CDK14: variants seen among roughly 807,000 people sequenced by gnomAD.
CDK14 encodes the protein cyclin dependent kinase 14, also known as cyclin-dependent kinase 14.
CDK14 carries 34 observed loss-of-function variants against 60.7 expected under a neutral mutation model. The observed-to-expected ratio is 0.56, with a 90% CI of 0.43 to 0.75. The LOEUF is 0.75. Ranked by LOEUF, CDK14 falls within the 30% of genes least tolerant of loss-of-function variation. CDK14 has a pLI of 0.00. For synonymous variants in CDK14, 197 were observed against 203.7 expected, an observed-to-expected ratio of 0.97 and a Z score of 0.28; for missense variants, 482 against 564.1, an observed-to-expected ratio of 0.85 and a Z score of 1.47.
intron 7 of CDK14, among the ~76,000 whole-genome samples, chr7:90,903,476 AG>A (rs1434074479): frequency 6.6e-6 from 1 of 152,142 alleles, no homozygotes; most frequent in South Asian, 2.1e-4. Context: ...AAAGACAAAT[AG>A]GGTGTATTTA....
At chr7:90,885,708 A>G (rs1791920434) in intron 6 of CDK14, among the ~76,000 whole-genome samples, 1 of 152,256 alleles carries the variant, frequency 6.6e-6, no homozygotes, top group Non-Finnish European at 1.5e-5. Flanking sequence ...AATGTGGCAC[A>G]TATACACCAT....
At chr7:90,844,242 G>A (rs2117156563) in intron 5 of CDK14, among the ~76,000 whole-genome samples, 1 of 152,328 alleles carries the variant, frequency 6.6e-6, no homozygotes, top group South Asian at 2.1e-4. Context: ...GGAATTAGGA[G>A]AGGTAAATTC....
rs577467541 is a variant in CDK14 at position 90,987,628 on chromosome 7, T to A, written c.1041+3387T>A. Among the ~76,000 whole-genome samples, 19 of 152,242 alleles carry A rather than the reference T, an allele frequency of 1.2e-4. No individual in the cohort carries two copies. The South Asian group carries it at 3.9e-3, about 32-fold the overall frequency. ...ACTGAATTGTTTAAATTTGCAAATA[T>A]TAGCTATATTATCACACAAGTAGAC... is the stretch of plus-strand genomic sequence containing the variant. On this transcript the variant is annotated intron_variant, in intron 10 of 14. Transcript: ENST00000380050.
At chr7:91,120,079 C>A (rs1219631577) in intron 14 of CDK14, among the ~76,000 whole-genome samples, 1 of 152,196 alleles carries the variant, frequency 6.6e-6, no homozygotes, top group East Asian at 1.9e-4. Context: ...AATCCCTTCA[C>A]CAATTCAGTG....
In CDK14 at chr7:91,005,523, T is replaced by C. The variant is rs112701940; in HGVS notation, c.1041+21282T>C. Reference sequence around the variant, plus strand: ...ATTTCAAAGGCTTTATTTTTTTAAATCACACATGAATACATATCATTTTAT... The same window carrying C: ...ATTTCAAAGGCTTTATTTTTTTAAACCACACATGAATACATATCATTTTAT... On this transcript the variant is annotated intron_variant, in intron 10 of 14. Coordinates refer to ENST00000380050, the MANE Select transcript of CDK14 (RefSeq NM_001287135.2). Among the ~76,000 whole-genome samples the C allele has an allele frequency of 2.6e-3, 389 of 152,324 alleles. 2 individuals are homozygous for C. Among genetic ancestry groups the C allele is most frequent in the African/African-American group, 8.8e-3 (367 of 41,578 alleles).
chr7:91,198,973 T>G (rs1802634175), intron 14 of CDK14, among the ~76,000 whole-genome samples: 1 of 152,252 alleles, frequency 6.6e-6, no homozygotes, highest in Non-Finnish European at 1.5e-5. Flanking sequence ...GATTTGTGTA[T>G]ATGCATTTTA....
chr7:91,094,385 G>T (rs1798919583), intron 12 of CDK14, among the ~76,000 whole-genome samples: 3 of 152,102 alleles, frequency 2.0e-5, no homozygotes, highest in Non-Finnish European at 4.4e-5. Flanking sequence ...ATTTAGTAAG[G>T]TCAGTTTAAT....
chr7:91,178,924 G>C (rs1472026584), intron 14 of CDK14, among the ~76,000 whole-genome samples: 1 of 152,084 alleles, frequency 6.6e-6, no homozygotes. Context: ...TCTAGAACTA[G>C]AAATACCATT....
At chr7:90,669,270 A>C (rs959461837) in intron 2 of CDK14, among the ~76,000 whole-genome samples, 2 of 152,196 alleles carry the variant, frequency 1.3e-5, no homozygotes, top group Non-Finnish European at 2.9e-5. Flanking sequence ...CCAAGTTGTA[A>C]TGGATATCTG....
chr7:90,992,721 T>C (rs1795575661), intron 10 of CDK14, among the ~76,000 whole-genome samples: 1 of 152,136 alleles, frequency 6.6e-6, no homozygotes, highest in Non-Finnish European at 1.5e-5. Context: ...ATGATAATAG[T>C]ATTAAATGAG....
At position 90,615,898 on chromosome 7, in the gene CDK14, CT is replaced by C. The variant is rs1799640983; in HGVS notation, c.123+11650del. 4.6e-5 allele frequency among the ~76,000 whole-genome samples: 7 copies of C among 152,244 alleles called. No homozygotes were observed. In the South Asian group the frequency reaches 1.5e-3, roughly 32 times the overall value. On this transcript the variant is annotated intron_variant, in intron 2 of 14. Coordinates refer to ENST00000380050, the MANE Select transcript of CDK14 (RefSeq NM_001287135.2). ...ATATTCACGCACCTTGAAAATTTTG[CT>C]GCTGTAGTTAGGAAGGGTTGTTATT... is the stretch of plus-strand genomic sequence containing the variant.
intron 8 of CDK14, among the ~76,000 whole-genome samples, chr7:90,937,480 T>C (rs928670425): frequency 1.3e-5 from 2 of 152,220 alleles, no homozygotes; most frequent in Non-Finnish European, 2.9e-5. Flanking sequence ...TGGTTTCCTA[T>C]AGCAGTCAAG....
At chr7:90,624,195 C>G (rs1296093298) in intron 2 of CDK14, among the ~76,000 whole-genome samples, 1 of 152,076 alleles carries the variant, frequency 6.6e-6, no homozygotes, top group African/African-American at 2.4e-5. Context: ...TGTCTGGGAC[C>G]CAGGTTTCCT....
chr7:91,035,044 AAAT>A (rs1435899638), intron 10 of CDK14, among the ~76,000 whole-genome samples: 1 of 152,100 alleles, frequency 6.6e-6, no homozygotes, highest in Non-Finnish European at 1.5e-5. Context: ...GTTCCCTGCA[AAAT>A]AATTAGCATT....
At chr7:90,634,869 C>T (rs866200593) in intron 2 of CDK14, among the ~76,000 whole-genome samples, 11,035 of 150,762 alleles carry the variant, frequency 0.073, 462 homozygotes, top group Middle Eastern at 0.18. Flanking sequence ...TGATTTGCAT[C>T]TCTCTGATGG....
chr7:90,961,579 T>G (rs1363434607), intron 9 of CDK14, among the ~76,000 whole-genome samples: 1 of 152,222 alleles, frequency 6.6e-6, no homozygotes, highest in Non-Finnish European at 1.5e-5. Flanking sequence ...TTGTACTATT[T>G]CTAATTAATC....
intron 14 of CDK14, among the ~76,000 whole-genome samples, chr7:91,206,933 A>G (rs1018512302): frequency 7.9e-5 from 12 of 152,274 alleles, no homozygotes; most frequent in African/African-American, 2.9e-4. Flanking sequence ...CAGTTGGTGG[A>G]GTTAAATGAT....
At chr7:90,759,035 GA>G (rs1804203712) in intron 4 of CDK14, among the ~76,000 whole-genome samples, 1 of 141,906 alleles carries the variant, frequency 7.0e-6, no homozygotes, top group East Asian at 2.1e-4. Flanking sequence ...CAGCCTGGGT[GA>G]CAGAGCGAGA....
chr7:90,862,678 A>C lies in CDK14; in HGVS notation c.545-497A>C, dbSNP rs139126354. On this transcript the variant is annotated intron_variant, in intron 5 of 14. Transcript: ENST00000380050. ...AAATAATAGGATCAAATTGACATTT[A>C]TAGAACTCCCCACCCAACATCAGCA... Among the ~76,000 whole-genome samples the C allele has an allele frequency of 1.4e-4, 22 of 152,300 alleles. No individual in the cohort carries two copies. In the East Asian group the frequency reaches 4.2e-3, roughly 29 times the overall value.
Sources: allele counts gnomAD v4.1 joint callset (sites outside exome capture counted in the v4.1 genomes callset), GRCh38; gene constraint gnomAD v4.1.1; transcripts MANE v1.5; gene names NCBI Gene and HGNC (gene_info 2026-07-23, HGNC 2026-07-21).